The following TCF4 variants were observed in gnomAD, a reference collection of about 807,000 sequenced individuals.
TCF4 encodes SL3-3 enhancer factor 2.
A neutral mutation model predicts 82.1 loss-of-function variants in TCF4; 3 were observed. The ratio of observed to expected loss-of-function variants is 0.04; its 90% CI spans 0.02 to 0.09. TCF4 has a LOEUF of 0.09. Among genes scored for constraint, TCF4 ranks in the 10% least tolerant of loss-of-function variants. The pLI, the probability that TCF4 is intolerant of heterozygous loss-of-function variation, is 1.00. For missense variants in TCF4, 518 were observed against 852.7 expected (o/e 0.61, Z 4.89); for synonymous variants, 276 against 309.6 (o/e 0.89, Z 1.14).
chr18:55,378,059 T>A (rs1350947084), intron 6 of TCF4, among the ~76,000 whole-genome samples: 2 of 152,204 alleles, frequency 1.3e-5, no homozygotes, highest in African/African-American at 2.4e-5. Flanking sequence ...TCTTTTAATA[T>A]AAAATTAGGC....
chr18:55,585,005 T>C (rs1360819115), intron 3 of TCF4, among the ~76,000 whole-genome samples: 1 of 152,204 alleles, frequency 6.6e-6, no homozygotes, highest in African/African-American at 2.4e-5. Flanking sequence ...CTTATCTTCA[T>C]GTGTTTGATT....
chr18:55,232,785 C>CT (rs563824587), intron 16 of TCF4, 114 bp from the exon 17 acceptor site: 37 of 1,357,856 alleles, frequency 2.7e-5, no homozygotes, highest in Non-Finnish European at 3.6e-5. Context: ...CCTTCTGTCA[C>CT]TTTTTTTTCC....
intron 4 of TCF4, among the ~76,000 whole-genome samples, chr18:55,462,341 T>C (rs902207814): frequency 2.0e-5 from 3 of 152,262 alleles, no homozygotes; most frequent in Admixed American, 1.3e-4. Context: ...CTAGATAGTG[T>C]ACTAAAAGCT....
chr18:55,624,841 A>T (rs890169188), intron 2 of TCF4, among the ~76,000 whole-genome samples: 1 of 152,148 alleles, frequency 6.6e-6, no homozygotes, highest in Non-Finnish European at 1.5e-5. Flanking sequence ...TATTAATCGT[A>T]CCATTTTGGC....
intron 15 of TCF4, among the ~76,000 whole-genome samples, chr18:55,248,474 ATG>A (rs2053991809): frequency 6.6e-6 from 1 of 152,168 alleles, no homozygotes; most frequent in Non-Finnish European, 1.5e-5. Flanking sequence ...TCCCATGACT[ATG>A]TACCAATAAC....
intron 5 of TCF4, among the ~76,000 whole-genome samples, chr18:55,406,980 G>A (rs905347961): frequency 3.9e-5 from 6 of 151,990 alleles, no homozygotes; most frequent in Non-Finnish European, 8.8e-5. Flanking sequence ...AGCATTAATC[G>A]CTCAAGTCTT....
At chr18:55,515,062 A>G (rs1480576844) in intron 3 of TCF4, among the ~76,000 whole-genome samples, 1 of 152,166 alleles carries the variant, frequency 6.6e-6, no homozygotes, top group Admixed American at 6.5e-5. Context: ...AGATTAGGAA[A>G]TTTGCCTAAT....
intron 8 of TCF4, among the ~76,000 whole-genome samples, chr18:55,287,494 C>T (rs556852758): frequency 1.1e-4 from 17 of 152,298 alleles, no homozygotes; most frequent in African/African-American, 3.8e-4. Context: ...AATTTCAGTC[C>T]CCTTCCTTGT....
chr18:55,548,719 C>A (rs1366045418), intron 3 of TCF4, among the ~76,000 whole-genome samples: 2 of 152,176 alleles, frequency 1.3e-5, no homozygotes, highest in African/African-American at 2.4e-5. Context: ...ACCTGCACAG[C>A]ATGTTATTGT....
intron 5 of TCF4, among the ~76,000 whole-genome samples, chr18:55,428,999 A>G (rs2095089719): frequency 6.6e-6 from 1 of 152,216 alleles, no homozygotes; most frequent in Non-Finnish European, 1.5e-5. Context: ...TATAAGTGGG[A>G]AAAAAACTAA....
At chr18:55,323,412 G>A (rs1236667340) in intron 8 of TCF4, among the ~76,000 whole-genome samples, 3 of 152,206 alleles carry the variant, frequency 2.0e-5, no homozygotes, top group Middle Eastern at 3.4e-3. Flanking sequence ...TGGTTCCGAG[G>A]AGCAAAGCCC....
At chr18:55,475,848 G>A (rs1376508344) in intron 3 of TCF4, among the ~76,000 whole-genome samples, 1 of 152,178 alleles carries the variant, frequency 6.6e-6, no homozygotes, top group Non-Finnish European at 1.5e-5. Flanking sequence ...GTAGCCCTGT[G>A]ACCTAGGTGG....
intron 3 of TCF4, among the ~76,000 whole-genome samples, chr18:55,511,331 T>TAAAAAAAAAAAAAAA (rs59685050): frequency 7.6e-6 from 1 of 131,400 alleles, no homozygotes. Context: ...TCCAAAAGTT[T>TAAAAAAAAAAAAAAA]AAAAAAAAAA....
chr18:55,414,549 T>C (rs1603451302), intron 5 of TCF4, among the ~76,000 whole-genome samples: 1 of 152,308 alleles, frequency 6.6e-6, no homozygotes, highest in East Asian at 1.9e-4. Context: ...AAATCACTTA[T>C]ACAAACTAAA....
chr18:55,596,163 G>A (rs2097690755), intron 2 of TCF4: 1 of 429,486 alleles, frequency 2.3e-6, no homozygotes, highest in Non-Finnish European at 4.7e-6. Flanking sequence ...CTGGGAGGTG[G>A]AGGTTGCAGT....
intron 8 of TCF4, among the ~76,000 whole-genome samples, chr18:55,324,667 C>G (rs952329548): frequency 6.6e-6 from 1 of 151,994 alleles, no homozygotes; most frequent in Non-Finnish European, 1.5e-5. Flanking sequence ...ACTTGGTTAC[C>G]TACTTGGTAC....
upstream of TCF4, among the ~76,000 whole-genome samples, chr18:55,592,359 G>A (rs1239429700): frequency 1.3e-5 from 2 of 152,124 alleles, no homozygotes; most frequent in Non-Finnish European, 2.9e-5. Context: ...GTCAAGTTCT[G>A]GAGAGGGCTC....
At chr18:55,556,476 AAC>A (rs1212828370) in intron 3 of TCF4, among the ~76,000 whole-genome samples, 1 of 152,218 alleles carries the variant, frequency 6.6e-6, no homozygotes, top group East Asian at 1.9e-4. Flanking sequence ...TCTCCAACTG[AAC>A]AGTTTCATGA....
chr18:55,324,641 T>C (rs2076249728), intron 8 of TCF4, among the ~76,000 whole-genome samples: 1 of 152,108 alleles, frequency 6.6e-6, no homozygotes, highest in Admixed American at 6.6e-5. Context: ...ACAAGTTACC[T>C]TGCCAGCAGT....
Sources: allele counts gnomAD v4.1 joint callset (sites outside exome capture counted in the v4.1 genomes callset), GRCh38; gene constraint gnomAD v4.1.1; transcripts MANE v1.5; gene names NCBI Gene and HGNC (gene_info 2026-07-23, HGNC 2026-07-21).